Variants in RUFY1 observed in about 807,000 individuals in gnomAD.
RUFY1 encodes RUN and FYVE domain-containing protein 1.
RUFY1 carries 54 observed loss-of-function variants against 94.6 expected under a neutral mutation model. The ratio of observed to expected loss-of-function variants is 0.57; its 90% confidence interval spans 0.46 to 0.72. The LOEUF (loss-of-function observed/expected upper bound fraction) is 0.72. Ranked by LOEUF, RUFY1 falls within the 30% of genes least tolerant of loss-of-function variation. The pLI, the probability that RUFY1 is intolerant of heterozygous loss-of-function variation, is 0.00. For missense variants in RUFY1, 883 were observed against 883.9 expected (o/e 1.00, Z 0.01); for synonymous variants, 396 against 347.3 (o/e 1.14, Z -1.56).
chr5:179,592,129 T>G (rs1328322228), intron 10 of RUFY1, among the ~76,000 whole-genome samples: 4 of 151,800 alleles, frequency 2.6e-5, no homozygotes, highest in Non-Finnish European at 5.9e-5. Flanking sequence ...GTTTTTGGTT[T>G]TTTTTTTGAG....
intron 14 of RUFY1, among the ~76,000 whole-genome samples, chr5:179,601,604 AG>A (rs1170650835): frequency 1.3e-5 from 2 of 150,484 alleles, no homozygotes; most frequent in Non-Finnish European, 3.0e-5. Context: ...GCAGATCACG[AG>A]GTCAGGAGTT....
chr5:179,568,779 T>C (rs186340343), intron 4 of RUFY1, among the ~76,000 whole-genome samples: 11 of 152,248 alleles, frequency 7.2e-5, no homozygotes, highest in African/African-American at 7.2e-5. Flanking sequence ...TTTGGTACAT[T>C]AGCAAGTCAT....
At chr5:179,555,435 C>G (rs1368723948) in intron 1 of RUFY1, among the ~76,000 whole-genome samples, 2 of 152,004 alleles carry the variant, frequency 1.3e-5, no homozygotes, top group Non-Finnish European at 2.9e-5. Context: ...AAAGATCGTT[C>G]CAGGTTTAAT....
chr5:179,560,744 G>GA (rs1332261610), intron 2 of RUFY1, among the ~76,000 whole-genome samples: 1 of 135,976 alleles, frequency 7.4e-6, no homozygotes. Flanking sequence ...AAAAAAAAAA[G>GA]AAAAAAGAAA....
chr5:179,591,804 C>G (rs564878803), intron 10 of RUFY1, 63 bp downstream of exon 10: 1 of 962,016 alleles, frequency 1.0e-6, no homozygotes, highest in East Asian at 2.6e-5. Flanking sequence ...TCTGTCAACA[C>G]TTTTCATAGA....
chr5:179,599,014 C>T (rs913914898), intron 14 of RUFY1, among the ~76,000 whole-genome samples, 193 bp downstream of exon 14: 5 of 152,230 alleles, frequency 3.3e-5, no homozygotes, highest in Non-Finnish European at 5.9e-5. Context: ...AGCCTGCTGG[C>T]AGCTCAGATA....
chr5:179,605,150 G>C (rs998117606), intron 15 of RUFY1, among the ~76,000 whole-genome samples: 4 of 151,900 alleles, frequency 2.6e-5, no homozygotes, highest in African/African-American at 9.7e-5. Flanking sequence ...GTGATGGCAT[G>C]CACCTGTAGT....
intron 12 of RUFY1, 33 bp from the exon 13 acceptor site, chr5:179,596,529 C>T: frequency 6.2e-7 from 1 of 1,613,498 alleles, no homozygotes; most frequent in East Asian, 2.2e-5. Context: ...CAAAGATTTG[C>T]TTCATTTGCA....
chr5:179,596,835 G>C (rs1191345012), intron 13 of RUFY1, 154 bp downstream of exon 13: 1 of 1,037,390 alleles, frequency 9.6e-7, no homozygotes, highest in South Asian at 1.8e-5. Flanking sequence ...TGCAGGGTTC[G>C]TATGTTATCC....
chr5:179,605,308 T>A (rs1480780145), intron 15 of RUFY1, among the ~76,000 whole-genome samples: 1 of 151,904 alleles, frequency 6.6e-6, no homozygotes, highest in Non-Finnish European at 1.5e-5. Flanking sequence ...TCAGACTGTT[T>A]CCCTCAATTG....
intron 10 of RUFY1, among the ~76,000 whole-genome samples, chr5:179,592,607 A>T (rs186804714): frequency 2.3e-4 from 35 of 152,288 alleles, no homozygotes; most frequent in African/African-American, 8.4e-4. Flanking sequence ...TTTCTTTGAC[A>T]ATACAATTCT....
rs377322004 is a variant in RUFY1, at chr5:179,607,606, G to A, written c.1930G>A (p.Glu644Lys). 6.8e-6 allele frequency: 11 copies of A among 1,614,116 alleles called. No homozygotes were observed. The highest frequency in any genetic ancestry group is 1.1e-5 in the South Asian group (1 of 91,088). ...LKGHAWLKDD[E>K]ATHCRQCEKE... is the part of the protein sequence containing the mutation. ...GGGCCACGCCTGGCTGAAAGATGAC[G>A]AAGCGACACACTGTAGGCAGTGTGA... Residue 644 changes from glutamate to lysine, a missense_variant, in exon 17 of 18, where the codon GAA becomes AAA. By Grantham distance (56) the Glu-to-Lys change is moderately conservative. Coordinates refer to ENST00000319449, the MANE Select transcript of RUFY1 (RefSeq NM_025158.5).
intron 1 of RUFY1, among the ~76,000 whole-genome samples, chr5:179,554,623 AT>A (rs200517065): frequency 3.3e-5 from 5 of 150,084 alleles, no homozygotes; most frequent in South Asian, 4.2e-4. Context: ...GTTTTGGGGG[AT>A]TTTTTTTTAA....
At chr5:179,577,157 CACTT>C in intron 6 of RUFY1, 21 bp downstream of exon 6, 1 of 358,706 alleles carries the variant, frequency 2.8e-6, no homozygotes, top group South Asian at 3.1e-5. Flanking sequence ...CGTTGTATGT[CACTT>C]TTTTTTTTTT....
intron 3 of RUFY1, among the ~76,000 whole-genome samples, chr5:179,563,937 G>T (rs978319352): frequency 2.7e-4 from 41 of 152,210 alleles, no homozygotes; most frequent in African/African-American, 9.1e-4. Flanking sequence ...CTTCCAAAGT[G>T]CTGGGATTAC....
intron 12 of RUFY1, among the ~76,000 whole-genome samples, chr5:179,595,554 T>G (rs1365205821): frequency 2.8e-5 from 3 of 105,412 alleles, no homozygotes; most frequent in South Asian, 2.6e-4. Flanking sequence ...TTTGTTCTTG[T>G]TTTTTTTTTT....
chr5:179,569,179 A>T (rs1288296050), intron 4 of RUFY1, 123 bp from the exon 5 acceptor site: 1 of 1,559,458 alleles, frequency 6.4e-7, no homozygotes, highest in Non-Finnish European at 8.7e-7. Flanking sequence ...AAAGGGAGGG[A>T]GGAAATCCAC....
At chr5:179,608,386 C>CTGAGGCTGCCTT in intron 17 of RUFY1, 1 of 985,572 alleles carries the variant, frequency 1.0e-6, no homozygotes, top group East Asian at 1.1e-4. Flanking sequence ...AAACCACGTC[C>CTGAGGCTGCCTT]TGAGGCTGCC....
chr5:179,591,231 C>T (rs1276713792), intron 9 of RUFY1, among the ~76,000 whole-genome samples: 1 of 152,024 alleles, frequency 6.6e-6, no homozygotes, highest in East Asian at 1.9e-4. Context: ...GTCGCCCAGG[C>T]TGGAGTGCAA....
Sources: gnomAD v4.1 joint callset for allele counts (sites outside exome capture counted in the v4.1 genomes callset) on GRCh38, gnomAD v4.1.1 for gene constraint, MANE v1.5 for transcripts, NCBI Gene and HGNC (gene_info 2026-07-23, HGNC 2026-07-21) for gene names.